SCLT1: variants seen among roughly 807,000 people sequenced by gnomAD.
SCLT1 encodes sodium channel and clathrin linker 1, also known as sodium channel-associated protein 1.
A neutral mutation model predicts 112.8 loss-of-function variants in SCLT1; 78 were observed. The ratio of observed to expected loss-of-function variants is 0.69; its 90% CI spans 0.58 to 0.83. The LOEUF (loss-of-function observed/expected upper bound fraction) is 0.83, where lower values mean the gene tolerates loss of function less well. Among genes scored for constraint, SCLT1 ranks in the 40% least tolerant of loss-of-function variants. The pLI is 0.00. For synonymous variants in SCLT1, 257 were observed against 254.7 expected (o/e 1.01, Z -0.09); for missense variants, 747 against 770.4 (o/e 0.97, Z 0.36).
At chr4:128,953,308 A>T (rs1242111178) in intron 13 of SCLT1, among the ~76,000 whole-genome samples, 3 of 152,188 alleles carry the variant, frequency 2.0e-5, no homozygotes, top group Non-Finnish European at 4.4e-5. Flanking sequence ...AAATTTCCTT[A>T]ATGTCTGGCT....
At chr4:129,021,882 C>T (rs1403415876) in intron 5 of SCLT1, among the ~76,000 whole-genome samples, 1 of 152,202 alleles carries the variant, frequency 6.6e-6, no homozygotes, top group African/African-American at 2.4e-5. Flanking sequence ...GGAGAAACCT[C>T]CCAACAGGGG....
intron 5 of SCLT1, among the ~76,000 whole-genome samples, chr4:129,009,534 AAG>A (rs1744337623): frequency 6.6e-6 from 1 of 151,774 alleles, no homozygotes. Context: ...AAAAAAAAAA[AAG>A]AATCCAAACT....
rs35098310 is a variant in SCLT1, at chr4:129,057,409, CTTT to C, written c.103-13361_103-13359del. On this transcript the variant is annotated intron_variant, in intron 2 of 20. Transcript: ENST00000281142. ...TAATTTTAGAAGAATTAATATTATT[CTTT>C]TTTTTTTTTTTTTTTGATGACTCTC... 9.8e-3 allele frequency among the ~76,000 whole-genome samples: 1,302 copies of C among 132,590 alleles called. 7 individuals are homozygous for C. The highest frequency in any genetic ancestry group is 0.02 in the African/African-American group (712 of 35,820). The allele number at this position is 132,590 out of a possible 152,430, so 87.0% of individuals were successfully genotyped here. A position where few individuals can be genotyped will look rare whatever the true frequency, so the allele number is the denominator to read the frequency against.
chr4:129,082,078 C>T (rs577648362), intron 2 of SCLT1, among the ~76,000 whole-genome samples: 19 of 152,198 alleles, frequency 1.2e-4, no homozygotes, highest in African/African-American at 2.2e-4. Flanking sequence ...TTTCAGAACT[C>T]GAATGAATTC....
At chr4:129,011,008 A>C (rs910707277) in intron 5 of SCLT1, among the ~76,000 whole-genome samples, 1 of 152,184 alleles carries the variant, frequency 6.6e-6, no homozygotes, top group Non-Finnish European at 1.5e-5. Flanking sequence ...GTTTTCAGGA[A>C]GAATGTTTCC....
intron 5 of SCLT1, among the ~76,000 whole-genome samples, chr4:129,021,540 A>G (rs1745473121): frequency 6.6e-6 from 1 of 152,194 alleles, no homozygotes; most frequent in South Asian, 2.1e-4. Flanking sequence ...TTGAATAGGC[A>G]GTTTTCCCCT....
At chr4:128,885,049 T>C (rs1732785885) in intron 20 of SCLT1, among the ~76,000 whole-genome samples, 2 of 152,218 alleles carry the variant, frequency 1.3e-5, no homozygotes, top group East Asian at 1.9e-4. Context: ...CTCAGGGTGA[T>C]ACGCTTAGAA....
rs111921138 is a variant in SCLT1 at position 128,973,291 on chromosome 4, T to A, written c.687-2823A>T. On this transcript the variant is annotated intron_variant, in intron 9 of 20. Transcript: ENST00000281142. ...TGTGGAACTGTGAGTTCATAAAAAA[T>A]ATACAATGTAAGATAATTAAAAGCA... Among the ~76,000 whole-genome samples the A allele has an allele frequency of 4.9e-3, 739 of 152,084 alleles. 7 individuals carry two copies. The highest frequency in any genetic ancestry group is 0.017 in the African/African-American group (702 of 41,426).
chr4:129,092,964 CT>C, intron 1 of SCLT1, 105 bp downstream of exon 1: 1 of 855,078 alleles, frequency 1.2e-6, no homozygotes, highest in Admixed American at 1.9e-5. Context: ...TTCTTTAACT[CT>C]TTACCAATTT....
In SCLT1 at chr4:129,053,557, A is replaced by ATTTTTTTTTTTTTTT. The variant is rs528905688; in HGVS notation, c.103-9521_103-9507dup. Among the ~76,000 whole-genome samples the ATTTTTTTTTTTTTTT allele has an allele frequency of 8.2e-4, 37 of 45,236 alleles. 7 individuals are homozygous for ATTTTTTTTTTTTTTT. Among genetic ancestry groups the ATTTTTTTTTTTTTTT allele is most frequent in the East Asian group, 2.2e-3 (3 of 1,348 alleles). 29.7% of individuals were successfully genotyped at this position (45,236 alleles called of 152,430 possible). Reference sequence around the variant, plus strand: ...TTAGAGACTAGGATTGCAATCCCTGATTTTTTTTTTTTTTTTTTTTTTTTT... The same window carrying ATTTTTTTTTTTTTTT: ...TTAGAGACTAGGATTGCAATCCCTGATTTTTTTTTTTTTTTTTTTTTTTTTTTTTTTTTTTTTTTT... On this transcript the variant is annotated intron_variant, in intron 2 of 20. Coordinates refer to ENST00000281142, the MANE Select transcript of SCLT1 (RefSeq NM_144643.4).
At chr4:129,000,770 T>C (rs1743406567) in intron 6 of SCLT1, among the ~76,000 whole-genome samples, 1 of 151,904 alleles carries the variant, frequency 6.6e-6, no homozygotes, top group Admixed American at 6.6e-5. Flanking sequence ...ATGAACAAAT[T>C]GTACATTTTT....
chr4:128,939,909 A>G (rs1471719397), intron 17 of SCLT1, among the ~76,000 whole-genome samples: 1 of 152,176 alleles, frequency 6.6e-6, no homozygotes, highest in Non-Finnish European at 1.5e-5. Context: ...TTTGTCAAAG[A>G]AAGAATCAGT....
At chr4:128,931,973 C>G (rs994590414) in intron 18 of SCLT1, among the ~76,000 whole-genome samples, 18 of 151,320 alleles carry the variant, frequency 1.2e-4, no homozygotes, top group Non-Finnish European at 2.4e-4. Flanking sequence ...ACAATTATAG[C>G]CCATCTGGTT....
intron 2 of SCLT1, among the ~76,000 whole-genome samples, chr4:129,075,445 C>T (rs1349293329): frequency 6.6e-6 from 1 of 152,120 alleles, no homozygotes; most frequent in African/African-American, 2.4e-5. Flanking sequence ...CATCAATCTC[C>T]TAGCATCATG....
At chr4:129,049,186 T>C (rs1748502911) in intron 2 of SCLT1, among the ~76,000 whole-genome samples, 2 of 151,514 alleles carry the variant, frequency 1.3e-5, no homozygotes, top group Admixed American at 1.3e-4. Flanking sequence ...CACACGTATG[T>C]TTACTGCGGC....
At chr4:128,886,444 A>G (rs1453666838) in intron 20 of SCLT1, among the ~76,000 whole-genome samples, 3 of 152,178 alleles carry the variant, frequency 2.0e-5, no homozygotes, top group African/African-American at 7.2e-5. Context: ...TTCAGTTTTT[A>G]TAGGAAAATT....
rs1400024783 is a variant in SCLT1, at chr4:128,965,136, T to C, written c.869+91A>G. Reference sequence around the variant, plus strand: ...TAGTTTTGATTTGGAGTTTATAAAATATTTATTCTAGTAAATATCACACAC... The same window carrying C: ...TAGTTTTGATTTGGAGTTTATAAAACATTTATTCTAGTAAATATCACACAC... On this transcript the variant is annotated intron_variant, in intron 11 of 20. Transcript: ENST00000281142. The C allele has an allele frequency of 1.1e-5, 7 of 659,832 alleles. No individual in the cohort carries two copies. The South Asian group carries it at 1.2e-4, about 11-fold the overall frequency. The allele number at this position is 659,832 out of a possible 1,614,324, so 40.9% of individuals were successfully genotyped here.
Position 128,943,107 on chromosome 4 carries a change from C to T in SCLT1, c.1521G>A (p.Gly507=), listed in dbSNP as rs1433269136. The stretch of plus-strand genomic sequence containing the variant: ...GTTTTAGCCTTTGTTCACTGACAAG[C>T]CCACAGTTCTCTCTCTCAGACTCCA... ...NVLESERENC[G]LVSEQRLKLQ... The change falls in exon 17 of 21, where the codon GGG becomes GGA. Residue 507 remains glycine (G), a synonymous_variant. Transcript: ENST00000281142. 1 of 1,612,390 alleles carries T rather than the reference C, an allele frequency of 6.2e-7. No homozygotes were observed. Among genetic ancestry groups the T allele is most frequent in the East Asian group, 2.2e-5 (1 of 44,802 alleles).
At chr4:129,044,153 ACT>A (rs982633405) in intron 2 of SCLT1, 102 bp from the exon 3 acceptor site, 8 of 603,752 alleles carry the variant, frequency 1.3e-5, no homozygotes, top group African/African-American at 1.9e-5. Flanking sequence ...AATCTTAGAA[ACT>A]CTATTTATGT....
Sources: allele counts gnomAD v4.1 joint callset (sites outside exome capture counted in the v4.1 genomes callset), GRCh38; gene constraint gnomAD v4.1.1; transcripts MANE v1.5; gene names NCBI Gene and HGNC (gene_info 2026-07-23, HGNC 2026-07-21).